The following ADARB2 variants were observed in gnomAD, a reference collection of about 807,000 sequenced individuals.
The protein encoded by ADARB2 is inactive double-stranded RNA-specific editase B2.
A neutral mutation model predicts 62.2 loss-of-function variants in ADARB2; 25 were observed. The observed-to-expected ratio is 0.40, with a 90% CI of 0.29 to 0.56. The LOEUF (loss-of-function observed/expected upper bound fraction) is 0.56. Among genes scored for constraint, ADARB2 ranks in the 20% least tolerant of loss-of-function variants. The pLI is 0.43. For synonymous variants in ADARB2, 572 were observed against 500.8 expected, an observed-to-expected ratio of 1.14 and a Z score of -1.90; for missense variants, 1,071 against 1,077.4, an observed-to-expected ratio of 0.99 and a Z score of 0.08.
At chr10:1,324,952 A>G (rs1329481906) in intron 3 of ADARB2, among the ~76,000 whole-genome samples, 2 of 152,226 alleles carry the variant, frequency 1.3e-5, no homozygotes, top group Admixed American at 6.5e-5. Context: ...TCTTCAAGGT[A>G]TAACTACTGA....
chr10:1,525,981 A>C (rs1832136397), intron 1 of ADARB2, among the ~76,000 whole-genome samples: 1 of 152,102 alleles, frequency 6.6e-6, no homozygotes, highest in Admixed American at 6.5e-5. Context: ...GCGTGTGTGC[A>C]TGCATATATG....
intron 7 of ADARB2, among the ~76,000 whole-genome samples, chr10:1,206,645 A>G (rs950864019): frequency 6.6e-6 from 1 of 152,132 alleles, no homozygotes; most frequent in Non-Finnish European, 1.5e-5. Context: ...TCTTTCTGTG[A>G]AGATGGCGCC....
chr10:1,516,910 C>A (rs932619548), intron 1 of ADARB2, among the ~76,000 whole-genome samples: 1 of 152,148 alleles, frequency 6.6e-6, no homozygotes, highest in African/African-American at 2.4e-5. Context: ...TGTGACTCAG[C>A]CTTTCACGTG....
chr10:1,573,427 A>G (rs2676783), intron 1 of ADARB2, among the ~76,000 whole-genome samples: 94,644 of 152,020 alleles, frequency 0.62, 29,798 homozygotes, highest in African/African-American at 0.68. Context: ...TTGAGTGTGG[A>G]GCGGAAACTG....
At chr10:1,433,618 C>G (rs1219581800) in intron 1 of ADARB2, among the ~76,000 whole-genome samples, 1 of 152,084 alleles carries the variant, frequency 6.6e-6, no homozygotes, top group Non-Finnish European at 1.5e-5. Flanking sequence ...GGATTCGATC[C>G]ACTTTGTCCA....
In ADARB2 at chr10:1,200,043, G is replaced by A. The variant is rs1265453110; in HGVS notation, c.1787C>T (p.Ala596Val). ...CTCCATGCGGTGGCTCATGACGCGT[G>A]CGAGGTGGCCCGTGTGGTGCAGGCT... ...VGSLHHTGHL[A>V]RVMSHRMEGV... is the part of the protein sequence containing the mutation. The change falls in exon 8 of 10, where the codon GCA (alanine) becomes GTA (valine). Residue 596 changes from alanine to valine, a missense_variant. By Grantham distance (64) the Ala-to-Val change is moderately conservative. Transcript: ENST00000381312. 5 of 1,596,602 alleles carry A rather than the reference G, an allele frequency of 3.1e-6. No homozygotes were observed. Among genetic ancestry groups the A allele is most frequent in the Non-Finnish European group, 4.3e-6 (5 of 1,176,108 alleles).
At chr10:1,453,851 G>GA (rs1269556846) in intron 1 of ADARB2, among the ~76,000 whole-genome samples, 4 of 152,154 alleles carry the variant, frequency 2.6e-5, no homozygotes, top group Non-Finnish European at 5.9e-5. Context: ...GAGAATGTGG[G>GA]AAAAAATGGA....
chr10:1,702,480 T>C (rs766032604), intron 1 of ADARB2, among the ~76,000 whole-genome samples: 1 of 152,202 alleles, frequency 6.6e-6, no homozygotes, highest in Non-Finnish European at 1.5e-5. Flanking sequence ...CCTGGGCAGG[T>C]AGGGAATCCC....
At chr10:1,280,882 G>C (rs1021750041) in intron 3 of ADARB2, among the ~76,000 whole-genome samples, 1 of 152,202 alleles carries the variant, frequency 6.6e-6, no homozygotes, top group Non-Finnish European at 1.5e-5. Context: ...GAGAACCCCA[G>C]GATGGAGCCA....
At chr10:1,572,163 G>A (rs553036289) in intron 1 of ADARB2, among the ~76,000 whole-genome samples, 1 of 151,746 alleles carries the variant, frequency 6.6e-6, no homozygotes, top group African/African-American at 2.4e-5. Flanking sequence ...GAGTGTGCAG[G>A]TGAGTGTGCA....
At position 1,737,068 on chromosome 10, in the gene ADARB2, C is replaced by T; in HGVS notation, c.83G>A (p.Arg28Gln). 6.8e-6 allele frequency: 11 copies of T among 1,611,792 alleles called. No homozygotes were observed. Among genetic ancestry groups the T allele is most frequent in the Non-Finnish European group, 9.3e-6 (11 of 1,179,934 alleles). The part of the protein sequence containing the change: ...LKCKSKRRRR[R>Q]RSKRKDKVSI... ...GTCCTTACCTTTCCGCTTGGACCTC[C>T]GCCTCCTCCTCCTCTTGGACTTGCA... Residue 28 changes from arginine to glutamine, a missense_variant, in exon 1 of 10, where the codon CGG (arginine) becomes CAG (glutamine). By Grantham distance (43) the Arg-to-Gln change is conservative. Coordinates refer to ENST00000381312, the MANE Select transcript of ADARB2 (RefSeq NM_018702.4).
intron 3 of ADARB2, among the ~76,000 whole-genome samples, chr10:1,274,849 G>C (rs1022875157): frequency 6.6e-6 from 1 of 152,252 alleles, no homozygotes; most frequent in African/African-American, 2.4e-5. Flanking sequence ...CTGGTGACCA[G>C]ATTGCTCTGA....
At chr10:1,315,208 C>T (rs527613128) in intron 3 of ADARB2, among the ~76,000 whole-genome samples, 2 of 152,156 alleles carry the variant, frequency 1.3e-5, no homozygotes, top group African/African-American at 4.8e-5. Flanking sequence ...AGGGAGAGAT[C>T]AGGAGGCAGC....
chr10:1,395,585 C>A (rs1415545732), intron 1 of ADARB2, among the ~76,000 whole-genome samples: 2 of 152,238 alleles, frequency 1.3e-5, no homozygotes, highest in Non-Finnish European at 2.9e-5. Flanking sequence ...CCCAGGCTGC[C>A]TCCTCGGCGC....
intron 1 of ADARB2, among the ~76,000 whole-genome samples, chr10:1,622,022 G>A (rs1232042717): frequency 6.6e-6 from 1 of 152,136 alleles, no homozygotes; most frequent in African/African-American, 2.4e-5. Context: ...ATTGAACAGA[G>A]TTGAGGGTTC....
At chr10:1,346,447 A>C (rs758487347) in intron 3 of ADARB2, among the ~76,000 whole-genome samples, 6 of 152,372 alleles carry the variant, frequency 3.9e-5, no homozygotes, top group South Asian at 2.1e-4. Context: ...TTTACTTAAA[A>C]ATGCAGCATA....
At chr10:1,665,077 A>G (rs960958898) in intron 1 of ADARB2, among the ~76,000 whole-genome samples, 11 of 152,164 alleles carry the variant, frequency 7.2e-5, no homozygotes, top group African/African-American at 2.7e-4. Context: ...TAAAATCTCT[A>G]GAGTTGCCAG....
intron 1 of ADARB2, among the ~76,000 whole-genome samples, chr10:1,659,531 C>A (rs948140088): frequency 6.6e-6 from 1 of 152,256 alleles, no homozygotes; most frequent in Non-Finnish European, 1.5e-5. Flanking sequence ...CTGCCGGCCC[C>A]GGTCACTTTA....
At chr10:1,452,498 C>A (rs1410148696) in intron 1 of ADARB2, among the ~76,000 whole-genome samples, 1 of 151,918 alleles carries the variant, frequency 6.6e-6, no homozygotes, top group African/African-American at 2.4e-5. Context: ...TTTGCAGAGA[C>A]ATGGATGAAG....
Sources: allele counts gnomAD v4.1 joint callset (sites outside exome capture counted in the v4.1 genomes callset), GRCh38; gene constraint gnomAD v4.1.1; transcripts MANE v1.5; gene names NCBI Gene and HGNC (gene_info 2026-07-23, HGNC 2026-07-21).